CPE: variants seen among roughly 807,000 people sequenced by gnomAD.
The protein encoded by CPE is carbocypeptidase E.
CPE carries 17 observed loss-of-function variants against 53.5 expected under a neutral mutation model. The observed-to-expected ratio is 0.32, with a 90% CI of 0.22 to 0.48. The LOEUF is 0.48. CPE is among the 20% of genes least tolerant of loss of function. The probability of loss-of-function intolerance (pLI) is 0.99; values close to 1 mark genes in which losing one functional copy is unlikely to be tolerated. For synonymous variants in CPE, 226 were observed against 228.8 expected (o/e 0.99, Z 0.11); for missense variants, 524 against 614.7 (o/e 0.85, Z 1.56).
intron 5 of CPE, among the ~76,000 whole-genome samples, chr4:165,487,222 T>G (rs1732519311): frequency 6.6e-6 from 1 of 152,212 alleles, no homozygotes; most frequent in Non-Finnish European, 1.5e-5. Context: ...ATGCTTTTGC[T>G]TAGGAACCTG....
intron 1 of CPE, among the ~76,000 whole-genome samples, chr4:165,408,853 G>A (rs548133505): frequency 1.3e-5 from 2 of 152,344 alleles, no homozygotes; most frequent in Non-Finnish European, 2.9e-5. Flanking sequence ...GGGAGACACA[G>A]AGAGAATAAT....
chr4:165,405,094 A>G (rs1730931293), intron 1 of CPE: 2 of 734,152 alleles, frequency 2.7e-6, no homozygotes, highest in Admixed American at 1.9e-5. Flanking sequence ...TGAAGATGGA[A>G]TCCCTTTCAA....
intron 6 of CPE, among the ~76,000 whole-genome samples, chr4:165,492,657 C>T (rs1732628715): frequency 6.6e-6 from 1 of 152,092 alleles, no homozygotes; most frequent in Non-Finnish European, 1.5e-5. Context: ...TGACTGGGGG[C>T]TGCATGCACC....
At chr4:165,456,112 T>G (rs1731897093) in intron 1 of CPE, among the ~76,000 whole-genome samples, 1 of 152,240 alleles carries the variant, frequency 6.6e-6, no homozygotes, top group Non-Finnish European at 1.5e-5. Flanking sequence ...ATTGCCTTTT[T>G]ATTGTGAAGG....
rs796196236 is a variant in CPE at position 165,440,454 on chromosome 4, ACC to A, written c.308-23928_308-23927del. ...CTGCTGCTGCTGCTCTCACAACCCCACCCCCCCCCACACACACAAGCTGTGGT... is the reference window on the plus strand; with the variant it reads ...CTGCTGCTGCTGCTCTCACAACCCCACCCCCCCACACACACAAGCTGTGGT... On this transcript the variant is annotated intron_variant, in intron 1 of 8. Coordinates refer to ENST00000402744, the MANE Select transcript of CPE (RefSeq NM_001873.4). Among the ~76,000 whole-genome samples the A allele has an allele frequency of 2.8e-4, 31 of 110,278 alleles. 2 individuals carry two copies. Among genetic ancestry groups the A allele is most frequent in the Admixed American group, 1.6e-3 (18 of 11,232 alleles). 72.3% of individuals were successfully genotyped at this position (110,278 alleles called of 152,430 possible). A position where few individuals can be genotyped will look rare whatever the true frequency, so the allele number is the denominator to read the frequency against.
At chr4:165,456,828 A>G (rs563455973) in intron 1 of CPE, among the ~76,000 whole-genome samples, 1 of 137,730 alleles carries the variant, frequency 7.3e-6, no homozygotes, top group East Asian at 2.1e-4. Flanking sequence ...TGCAACCTCC[A>G]CCTCCCAGGT....
intron 1 of CPE, among the ~76,000 whole-genome samples, chr4:165,396,405 C>T (rs1252103570): frequency 6.6e-6 from 1 of 152,158 alleles, no homozygotes; most frequent in African/African-American, 2.4e-5. Flanking sequence ...CACCTGTAAT[C>T]CCAGCACTTT....
intron 1 of CPE, among the ~76,000 whole-genome samples, chr4:165,436,562 T>G (rs201746811): frequency 6.6e-6 from 1 of 152,206 alleles, no homozygotes; most frequent in East Asian, 1.9e-4. Context: ...AAAACTTTAT[T>G]TACAAAAAAC....
intron 1 of CPE, among the ~76,000 whole-genome samples, chr4:165,412,418 A>G (rs1236410978): frequency 6.6e-6 from 1 of 152,228 alleles, no homozygotes; most frequent in Non-Finnish European, 1.5e-5. Flanking sequence ...GAAAAATTCT[A>G]GTTGCTGGAA....
At chr4:165,407,499 T>G (rs1393124476) in intron 1 of CPE, among the ~76,000 whole-genome samples, 1 of 151,696 alleles carries the variant, frequency 6.6e-6, no homozygotes, top group African/African-American at 2.4e-5. Context: ...GCCTCCCAAA[T>G]AACTCAAGTG....
intron 2 of CPE, among the ~76,000 whole-genome samples, chr4:165,465,478 G>T (rs866842703): frequency 6.6e-5 from 10 of 152,016 alleles, no homozygotes; most frequent in African/African-American, 2.4e-4. Context: ...ATGGGCAACA[G>T]ATTATCATTG....
chr4:165,395,483 C>T (rs1730748368), intron 1 of CPE, among the ~76,000 whole-genome samples: 2 of 152,124 alleles, frequency 1.3e-5, no homozygotes, highest in Admixed American at 1.3e-4. Flanking sequence ...TTTGATTCGG[C>T]AGTTTTATTA....
chr4:165,449,605 T>C (rs10223009), intron 1 of CPE, among the ~76,000 whole-genome samples: 44,330 of 152,064 alleles, frequency 0.29, 7,649 homozygotes, highest in African/African-American at 0.49. Context: ...CTACCCTTGA[T>C]GCTGAGATAT....
At chr4:165,420,546 G>A (rs1180532664) in intron 1 of CPE, among the ~76,000 whole-genome samples, 3 of 148,450 alleles carry the variant, frequency 2.0e-5, no homozygotes, top group Non-Finnish European at 3.0e-5. Flanking sequence ...CATTTTACAG[G>A]TGATGTCTAG....
rs778191319 is a variant in CPE, at chr4:165,484,538, A to G, written c.907A>G (p.Asn303Asp). 3 of 1,614,152 alleles carry G rather than the reference A, an allele frequency of 1.9e-6. No individual in the cohort carries two copies. Among genetic ancestry groups the G allele is most frequent in the Admixed American group, 3.3e-5 (2 of 60,026 alleles). ...CCCCAATCGGCCACCATGTCGCAAG[A>G]ATGATGATGACAGCAGCTTTGTAGA... is the stretch of plus-strand genomic sequence containing the variant. ...SDPNRPPCRK[N>D]DDDSSFVDGT... Residue 303 changes from asparagine to aspartate, a missense_variant, in exon 5 of 9, where the codon AAT (asparagine) becomes GAT (aspartate). Coordinates refer to ENST00000402744, the MANE Select transcript of CPE (RefSeq NM_001873.4).
At chr4:165,398,150 G>A (rs996935134) in intron 1 of CPE, among the ~76,000 whole-genome samples, 4 of 147,890 alleles carry the variant, frequency 2.7e-5, no homozygotes, top group Non-Finnish European at 6.0e-5. Flanking sequence ...AAAGAATATT[G>A]TTCTGGTCTC....
chr4:165,392,184 ATATACT>A (rs1276089694), intron 1 of CPE, among the ~76,000 whole-genome samples: 1 of 147,500 alleles, frequency 6.8e-6, no homozygotes, highest in Admixed American at 6.9e-5. Flanking sequence ...TAGAAATATA[ATATACT>A]TATATATATA....
At chr4:165,463,423 A>G (rs1332831163) in intron 1 of CPE, among the ~76,000 whole-genome samples, 1 of 152,210 alleles carries the variant, frequency 6.6e-6, no homozygotes, top group Non-Finnish European at 1.5e-5. Flanking sequence ...CGTATGGGCT[A>G]GAATCTATTG....
intron 1 of CPE, among the ~76,000 whole-genome samples, chr4:165,434,296 C>A (rs1579259837): frequency 1.3e-5 from 2 of 152,020 alleles, no homozygotes; most frequent in East Asian, 3.9e-4. Flanking sequence ...CAAATATTTG[C>A]TAAAAAAAAT....
Sources: gnomAD v4.1 joint callset for allele counts (sites outside exome capture counted in the v4.1 genomes callset) on GRCh38, gnomAD v4.1.1 for gene constraint, MANE v1.5 for transcripts, NCBI Gene and HGNC (gene_info 2026-07-23, HGNC 2026-07-21) for gene names.